The following TUBB3 variants were observed in gnomAD, a reference collection of about 807,000 sequenced individuals.
The protein encoded by TUBB3 is tubulin beta-3 chain.
Under a neutral mutation model 37.8 loss-of-function variants are expected in TUBB3, and 17 were observed. The ratio of observed to expected loss-of-function variants is 0.45; its 90% confidence interval spans 0.31 to 0.67. The LOEUF (loss-of-function observed/expected upper bound fraction) is 0.67, where lower values mean the gene tolerates loss of function less well. Among genes scored for constraint, TUBB3 ranks in the 30% least tolerant of loss-of-function variants. The pLI is 0.07. For missense variants in TUBB3, 262 were observed against 657.9 expected, an observed-to-expected ratio of 0.40 and a Z score of 6.58; for synonymous variants, 332 against 278.9, an observed-to-expected ratio of 1.19 and a Z score of -1.90.
In TUBB3 at chr16:89,935,079, A is replaced by G; in HGVS notation, c.628A>G (p.Ile210Val). The G allele has an allele frequency of 6.2e-7, 1 of 1,614,180 alleles. No individual in the cohort carries two copies. The highest frequency in any genetic ancestry group is 8.5e-7 in the Non-Finnish European group (1 of 1,180,028). ...YCIDNEALYD[I>V]CFRTLKLATP... ...CATCGACAACGAGGCGCTCTACGACATCTGCTTCCGCACCCTCAAGCTGGC... is the reference window on the plus strand; with the variant it reads ...CATCGACAACGAGGCGCTCTACGACGTCTGCTTCCGCACCCTCAAGCTGGC... Residue 210 changes from isoleucine to valine, a missense_variant, in exon 4 of 4, where the codon ATC becomes GTC. Transcript: ENST00000315491.
At chr16:89,926,127 A>T (rs2030069917) in intron 1 of TUBB3, among the ~76,000 whole-genome samples, 1 of 152,156 alleles carries the variant, frequency 6.6e-6, no homozygotes, top group East Asian at 1.9e-4. Flanking sequence ...GCAGAGCTGA[A>T]TCTGGACCCC....
intron 1 of TUBB3, among the ~76,000 whole-genome samples, chr16:89,927,225 C>CA (rs1245466217): frequency 9.9e-5 from 15 of 150,966 alleles, no homozygotes; most frequent in African/African-American, 3.2e-4. Flanking sequence ...AAATAAAAAA[C>CA]AAAAAAAATT....
chr16:89,930,824 G>A (rs1485066366), intron 1 of TUBB3, among the ~76,000 whole-genome samples: 1 of 151,034 alleles, frequency 6.6e-6, no homozygotes, highest in African/African-American at 2.4e-5. Flanking sequence ...CCCTTTACGA[G>A]AGGCATCTTT....
rs749705105 is a variant in TUBB3 at position 89,935,780 on chromosome 16, G to C, written c.1329G>C (p.Glu443Asp). ...EGEMYEDDEE[E>D]SEAQGPK ...AGATGTACGAAGACGACGAGGAGGAGTCGGAGGCCCAGGGCCCCAAGTGAA... is the reference window on the plus strand; with the variant it reads ...AGATGTACGAAGACGACGAGGAGGACTCGGAGGCCCAGGGCCCCAAGTGAA... The change falls in exon 4 of 4, where the codon GAG (glutamate) becomes GAC (aspartate). Residue 443 changes from glutamate (E) to aspartate (D), a missense_variant. Around this residue, in one of 3 missense-constraint regions of TUBB3, gnomAD observed 39 missense variants for 26.9 expected, o/e 1.45. Coordinates refer to ENST00000315491, the MANE Select transcript of TUBB3 (RefSeq NM_006086.4). The C allele has an allele frequency of 6.2e-7, 1 of 1,613,634 alleles. No individual in the cohort carries two copies. The highest frequency in any genetic ancestry group is 1.1e-5 in the South Asian group (1 of 91,080).
At chr16:89,933,242 TC>T (rs1241527743) in intron 2 of TUBB3, 1 of 695,822 alleles carries the variant, frequency 1.4e-6, no homozygotes, top group East Asian at 2.7e-5. Context: ...TCTGACTGAA[TC>T]CTGCCTGTCC....
chr16:89,931,430 C>T (rs2030274823), intron 1 of TUBB3, among the ~76,000 whole-genome samples: 1 of 152,226 alleles, frequency 6.6e-6, no homozygotes, highest in Admixed American at 6.5e-5. Context: ...CCTGGGAAGC[C>T]TCCCAGCGTG....
intron 3 of TUBB3, 182 bp downstream of exon 3, chr16:89,933,760 G>T: frequency 4.2e-6 from 3 of 710,862 alleles, no homozygotes; most frequent in Middle Eastern, 2.3e-4. Context: ...GTTCTGTGGG[G>T]AGAACAGAAA....
In TUBB3 at chr16:89,935,582, G is replaced by A. The variant is rs768863709; in HGVS notation, c.1131G>A (p.Leu377=). The A allele has an allele frequency of 6.2e-7, 1 of 1,614,024 alleles. No homozygotes were observed. Among genetic ancestry groups the A allele is most frequent in the South Asian group, 1.1e-5 (1 of 91,078 alleles). ...FIGNSTAIQE[L]FKRISEQFTA... ...GGAACAGCACGGCCATCCAGGAGCT[G>A]TTCAAGCGCATCTCCGAGCAGTTCA... The change falls in exon 4 of 4, where the codon CTG becomes CTA. Residue 377 remains leucine, a synonymous_variant. Transcript: ENST00000315491.
At chr16:89,923,148 G>C (rs1264142872), upstream of TUBB3, 2 of 176,186 alleles carry the variant, frequency 1.1e-5, no homozygotes, top group Non-Finnish European at 2.4e-5. Context: ...GACCGCGCCC[G>C]GCCCAGCGCT....
chr16:89,931,879 A>G, intron 1 of TUBB3: 1 of 410,400 alleles, frequency 2.4e-6, no homozygotes, highest in South Asian at 1.7e-5. Flanking sequence ...AGGTAGAGAG[A>G]GGACGACCCC....
At chr16:89,923,720 G>GCCCCCTCCACACCTGCA (rs1303991786) in intron 1 of TUBB3, among the ~76,000 whole-genome samples, 21 of 152,148 alleles carry the variant, frequency 1.4e-4, no homozygotes, top group Non-Finnish European at 2.4e-4. Flanking sequence ...CCACACCTGC[G>GCCCCCTCCACACCTGCA]CCCCCTCCAC....
chr16:89,929,911 G>C (rs1327291995), intron 1 of TUBB3, among the ~76,000 whole-genome samples: 1 of 151,838 alleles, frequency 6.6e-6, no homozygotes, highest in African/African-American at 2.4e-5. Context: ...ATGTTGGCCA[G>C]GCTGGTCTTG....
At chr16:89,927,512 T>C (rs778856518) in intron 1 of TUBB3, among the ~76,000 whole-genome samples, 1 of 152,230 alleles carries the variant, frequency 6.6e-6, no homozygotes, top group Admixed American at 6.5e-5. Context: ...ATAAACCTGG[T>C]GCCCATCTAG....
chr16:89,925,135 T>G (rs2144402172), intron 1 of TUBB3, among the ~76,000 whole-genome samples: 1 of 152,056 alleles, frequency 6.6e-6, no homozygotes, highest in African/African-American at 2.4e-5. Context: ...CATGCAGACA[T>G]CCCCTGAGGC....
At chr16:89,927,139 C>T (rs539981310) in intron 1 of TUBB3, among the ~76,000 whole-genome samples, 1 of 152,028 alleles carries the variant, frequency 6.6e-6, no homozygotes, top group Non-Finnish European at 1.5e-5. Flanking sequence ...CTTTGGGAGG[C>T]CGAGGTGGGT....
At chr16:89,926,140 G>C (rs2030070427) in intron 1 of TUBB3, among the ~76,000 whole-genome samples, 1 of 152,180 alleles carries the variant, frequency 6.6e-6, no homozygotes, top group Admixed American at 6.5e-5. Flanking sequence ...TGGACCCCCG[G>C]GCTTTGCTTT....
At position 89,935,797 on chromosome 16, in the gene TUBB3, C is replaced by T. The variant is rs1419813994; in HGVS notation, c.1346C>T (p.Pro449Leu). ...GAGGAGGAGTCGGAGGCCCAGGGCCCCAAGTGAAGCTGCTCGCAGCTGGAG... is the reference window on the plus strand; with the variant it reads ...GAGGAGGAGTCGGAGGCCCAGGGCCTCAAGTGAAGCTGCTCGCAGCTGGAG... ...DDEEESEAQG[P>L]K Residue 449 changes from proline (P) to leucine (L), a missense_variant, in exon 4 of 4, where the codon CCC (proline) becomes CTC (leucine). By Grantham distance (98) the Pro-to-Leu change is moderately conservative. Transcript: ENST00000315491. 5 of 1,612,786 alleles carry T rather than the reference C, an allele frequency of 3.1e-6. No homozygotes were observed. In the South Asian group the frequency reaches 3.3e-5, roughly 11 times the overall value.
intron 1 of TUBB3, among the ~76,000 whole-genome samples, chr16:89,930,452 C>G (rs191558710): frequency 6.6e-6 from 1 of 151,938 alleles, no homozygotes; most frequent in Non-Finnish European, 1.5e-5. Context: ...GAGACAGAGT[C>G]TCACTCTGTC....
intron 1 of TUBB3, among the ~76,000 whole-genome samples, chr16:89,924,471 G>A (rs532213112): frequency 3.0e-4 from 45 of 152,194 alleles, no homozygotes; most frequent in Non-Finnish European, 3.8e-4. Context: ...GGATCGGGGG[G>A]GGAGGCTGGC....
Sources: allele counts gnomAD v4.1 joint callset (sites outside exome capture counted in the v4.1 genomes callset), GRCh38; gene constraint gnomAD v4.1.1; regional missense constraint gnomAD v4.1.1; transcripts MANE v1.5; gene names NCBI Gene and HGNC (gene_info 2026-07-23, HGNC 2026-07-21).